Variants in IL1RAPL2 observed in about 807,000 individuals in gnomAD.
The protein encoded by IL1RAPL2 is interleukin 1 receptor accessory protein like 2.
A neutral mutation model predicts 44.1 loss-of-function variants in IL1RAPL2; 3 were observed. That is an observed-to-expected ratio of 0.07 (90% CI 0.03 to 0.18). IL1RAPL2 has a LOEUF of 0.18. Among genes scored for constraint, IL1RAPL2 ranks in the 10% least tolerant of loss-of-function variants. The pLI is 1.00. For missense variants in IL1RAPL2, 391 were observed against 496.4 expected (o/e 0.79, Z 2.02); for synonymous variants, 181 against 178.8 (o/e 1.01, Z -0.10).
intron 2 of IL1RAPL2, among the ~76,000 whole-genome samples, chrX:104,970,712 A>C (rs1350503016): frequency 9.0e-6 from 1 of 111,623 alleles, no homozygotes; most frequent in African/African-American, 3.3e-5. Flanking sequence ...TCTGGTCCAG[A>C]GTCAAGTCCT....
intron 5 of IL1RAPL2, among the ~76,000 whole-genome samples, chrX:105,433,319 G>T (rs1334732920): frequency 1.8e-5 from 2 of 110,985 alleles, no homozygotes; most frequent in Admixed American, 9.6e-5. Context: ...CAAATGGTAG[G>T]AATTCTTAGT....
intron 2 of IL1RAPL2, among the ~76,000 whole-genome samples, chrX:105,075,834 G>A (rs36184991): frequency 6.3e-5 from 7 of 111,951 alleles, no homozygotes; most frequent in South Asian, 3.7e-4. Context: ...TTGTGTAGAG[G>A]TGTTTATGGT....
intron 6 of IL1RAPL2, among the ~76,000 whole-genome samples, chrX:105,687,212 A>ATAAC (rs1483714177): frequency 9.1e-6 from 1 of 110,423 alleles, no homozygotes; most frequent in African/African-American, 3.3e-5. Context: ...AAGGCAAGAA[A>ATAAC]TAACTAAGAT....
chrX:104,942,103 C>G (rs890382796), intron 2 of IL1RAPL2, among the ~76,000 whole-genome samples: 15 of 111,701 alleles, frequency 1.3e-4, no homozygotes, highest in African/African-American at 3.9e-4. Context: ...GTTACTGTAG[C>G]CTTGTAGTAT....
chrX:104,928,850 C>A (rs1423078475), intron 2 of IL1RAPL2, among the ~76,000 whole-genome samples: 3 of 110,863 alleles, frequency 2.7e-5, no homozygotes, highest in African/African-American at 9.9e-5. Context: ...GGTGTGAGGG[C>A]AGCGTGTTGG....
intron 2 of IL1RAPL2, among the ~76,000 whole-genome samples, chrX:105,090,555 C>A (rs1365858822): frequency 8.9e-6 from 1 of 112,092 alleles, no homozygotes; most frequent in Non-Finnish European, 1.9e-5. Flanking sequence ...AACTGTGGGA[C>A]ACTTTCCTTA....
chrX:105,735,079 T>G (rs1344343132), intron 7 of IL1RAPL2, among the ~76,000 whole-genome samples: 3 of 111,701 alleles, frequency 2.7e-5, no homozygotes, highest in Non-Finnish European at 3.8e-5. Context: ...AAGTTGATAA[T>G]TTTCAGTTTG....
chrX:105,487,052 A>T (rs757607126), intron 6 of IL1RAPL2, among the ~76,000 whole-genome samples: 2 of 100,612 alleles, frequency 2.0e-5, no homozygotes, highest in Admixed American at 2.2e-4. Flanking sequence ...AGATCATGCC[A>T]CTGCACTCCA....
At chrX:105,713,578 C>T (rs1328578295) in intron 6 of IL1RAPL2, among the ~76,000 whole-genome samples, 1 of 111,445 alleles carries the variant, frequency 9.0e-6, no homozygotes, top group African/African-American at 3.3e-5. Context: ...ATGGCAATTA[C>T]AATTTGCGAT....
chrX:104,688,963 A>G (rs1374356374), intron 2 of IL1RAPL2, among the ~76,000 whole-genome samples: 2 of 111,715 alleles, frequency 1.8e-5, no homozygotes, highest in Admixed American at 9.6e-5. Context: ...AGCCATATCT[A>G]TGGGAAGCAA....
rs767856162 is a variant in IL1RAPL2, at chrX:104,942,260, G to A, written c.83-253215G>A. 4.3e-3 allele frequency among the ~76,000 whole-genome samples: 481 copies of A among 111,952 alleles called. 2 individuals carry two copies. Among genetic ancestry groups the A allele is most frequent in the African/African-American group, 0.015 (455 of 30,800 alleles). On this transcript the variant is annotated intron_variant, in intron 2 of 10. Coordinates refer to ENST00000372582, the MANE Select transcript of IL1RAPL2 (RefSeq NM_017416.2). ...AGAAAGTCATTGGTAGCTTGATGGG[G>A]ATGGCATTGAATCTGTAAATTAGCT...
At chrX:105,074,948 C>T (rs968326835) in intron 2 of IL1RAPL2, among the ~76,000 whole-genome samples, 17 of 111,060 alleles carry the variant, frequency 1.5e-4, no homozygotes, top group East Asian at 5.7e-4. Context: ...TGGGCTGAGA[C>T]GATGGGGTTT....
chrX:104,762,338 G>T (rs963146400), intron 2 of IL1RAPL2, among the ~76,000 whole-genome samples: 1 of 111,648 alleles, frequency 9.0e-6, no homozygotes, highest in African/African-American at 3.3e-5. Context: ...GATCTCCTTT[G>T]ATTCCATGTC....
At chrX:105,114,031 CTAAA>C (rs1227031542) in intron 2 of IL1RAPL2, among the ~76,000 whole-genome samples, 4 of 111,822 alleles carry the variant, frequency 3.6e-5, no homozygotes, top group Non-Finnish European at 7.5e-5. Context: ...GTGTGAAGGA[CTAAA>C]TGTTTATGCT....
intron 5 of IL1RAPL2, among the ~76,000 whole-genome samples, chrX:105,309,418 T>C (rs2034777664): frequency 9.0e-6 from 1 of 110,942 alleles, no homozygotes; most frequent in Non-Finnish European, 1.9e-5. Flanking sequence ...TAGATCTTCT[T>C]TTGTGAATAT....
intron 2 of IL1RAPL2, among the ~76,000 whole-genome samples, chrX:104,686,580 A>T (rs1315593210): frequency 8.9e-6 from 1 of 112,135 alleles, no homozygotes; most frequent in Non-Finnish European, 1.9e-5. Flanking sequence ...CACTGAATAG[A>T]TAGGGTCCAG....
At chrX:104,996,810 G>A (rs1457645339) in intron 2 of IL1RAPL2, among the ~76,000 whole-genome samples, 1 of 111,545 alleles carries the variant, frequency 9.0e-6, no homozygotes, top group Non-Finnish European at 1.9e-5. Context: ...TATTGAAACT[G>A]AAGTAGAGAA....
At chrX:105,367,073 T>A (rs58824218) in intron 5 of IL1RAPL2, among the ~76,000 whole-genome samples, 4,106 of 111,624 alleles carry the variant, frequency 0.037, 208 homozygotes, top group African/African-American at 0.13. Context: ...CCTTTATTAT[T>A]ATTTAATGAC....
intron 2 of IL1RAPL2, among the ~76,000 whole-genome samples, chrX:105,041,702 T>C (rs1216034421): frequency 1.8e-5 from 2 of 108,750 alleles, no homozygotes; most frequent in Non-Finnish European, 3.8e-5. Flanking sequence ...CCAATGACTT[T>C]CTTCACAGAA....
Sources: gnomAD v4.1 joint callset for allele counts (sites outside exome capture counted in the v4.1 genomes callset) on GRCh38, gnomAD v4.1.1 for gene constraint, MANE v1.5 for transcripts, NCBI Gene and HGNC (gene_info 2026-07-23, HGNC 2026-07-21) for gene names.